The following CDK12 variants were observed in gnomAD, a reference collection of about 807,000 sequenced individuals.
The protein encoded by CDK12 is cyclin dependent kinase 12, also known as cyclin-dependent kinase 12.
Under a neutral mutation model 133.8 loss-of-function variants are expected in CDK12, and 17 were observed. The ratio of observed to expected loss-of-function variants is 0.13; its 90% CI spans 0.09 to 0.19. The LOEUF is 0.19. Among genes scored for constraint, CDK12 ranks in the 10% least tolerant of loss-of-function variants. CDK12 has a pLI of 1.00. For synonymous variants in CDK12, 694 were observed against 683.6 expected, an observed-to-expected ratio of 1.02 and a Z score of -0.24; for missense variants, 1,508 against 1,818.7, an observed-to-expected ratio of 0.83 and a Z score of 3.11.
chr17:39,515,484 A>T (rs768393655), intron 8 of CDK12, among the ~76,000 whole-genome samples: 11 of 152,068 alleles, frequency 7.2e-5, no homozygotes, highest in African/African-American at 1.4e-4. Flanking sequence ...AAGACTCTTG[A>T]CTCCCTTTCT....
rs2054917338 is a variant in CDK12 at position 39,532,369 on chromosome 17, AT to A, written c.*1055del. ...ATTTGTAAGTGTGGACAGCTTGGAC[AT>A]TGCTGCTGAGCTGTGGTTAGAGATG... On this transcript the variant is annotated 3_prime_UTR_variant, in exon 14 of 14. Coordinates refer to ENST00000447079, the MANE Select transcript of CDK12 (RefSeq NM_016507.4). The A allele has an allele frequency of 4.3e-6, 1 of 233,090 alleles. No individual in the cohort carries two copies. 14.4% of individuals were successfully genotyped at this position (233,090 alleles called of 1,614,324 possible).
In CDK12 at chr17:39,509,739, C is replaced by A. The variant is rs1362122380; in HGVS notation, c.2644C>A (p.Arg882=). ...QIKLADFGLA[R]LYNSEESRPY... ...CAAACTAGCAGATTTTGGACTTGCTCGGCTCTATAACTCTGAAGAGAGGTA... is the reference window on the plus strand; with the variant it reads ...CAAACTAGCAGATTTTGGACTTGCTAGGCTCTATAACTCTGAAGAGAGGTA... Residue 882 remains arginine, a synonymous_variant, in exon 7 of 14, where the codon CGG becomes AGG. Transcript: ENST00000447079. 6.2e-7 allele frequency: 1 copy of A among 1,611,784 alleles called. No individual in the cohort carries two copies. Among genetic ancestry groups the A allele is most frequent in the African/African-American group, 1.3e-5 (1 of 74,826 alleles).
intron 13 of CDK12, 30 bp from the exon 14 acceptor site, chr17:39,530,574 T>G: frequency 6.5e-7 from 1 of 1,531,370 alleles, no homozygotes; most frequent in Non-Finnish European, 8.8e-7. Flanking sequence ...CTTTTTAAGA[T>G]GGTGTTTAAA....
In CDK12 at chr17:39,531,477, G is replaced by A. The variant is rs781098798; in HGVS notation, c.*161G>A. 5.0e-6 allele frequency: 3 copies of A among 602,942 alleles called. No homozygotes were observed. Among genetic ancestry groups the A allele is most frequent in the African/African-American group, 1.9e-5 (1 of 52,062 alleles). 37.3% of individuals were successfully genotyped at this position (602,942 alleles called of 1,614,324 possible). Reference sequence around the variant, plus strand: ...CCTTGCTCACTTGCTACTAGCAGGCGACTTACGAAATAATGATGTTGGCAC... The same window carrying A: ...CCTTGCTCACTTGCTACTAGCAGGCAACTTACGAAATAATGATGTTGGCAC... On this transcript the variant is annotated 3_prime_UTR_variant, in exon 14 of 14. Coordinates refer to ENST00000447079, the MANE Select transcript of CDK12 (RefSeq NM_016507.4).
intron 1 of CDK12, among the ~76,000 whole-genome samples, chr17:39,468,422 T>A (rs1001616729): frequency 2.0e-5 from 3 of 152,192 alleles, no homozygotes; most frequent in African/African-American, 7.2e-5. Context: ...CAATTTGTTT[T>A]AGACTACTGG....
chr17:39,505,284 T>C (rs558430436), intron 6 of CDK12, among the ~76,000 whole-genome samples: 2 of 149,462 alleles, frequency 1.3e-5, no homozygotes, highest in South Asian at 4.2e-4. Context: ...CCCAGCACTT[T>C]GGGAGGCCAA....
At chr17:39,520,152 A>C in intron 11 of CDK12, 65 bp downstream of exon 11, 12 of 1,568,760 alleles carry the variant, frequency 7.6e-6, no homozygotes, top group Non-Finnish European at 9.6e-6. Context: ...TGAGAAACTC[A>C]TAAAAGAACC....
chr17:39,556,226 A>C (rs1007999846), intron 2 of CDK12: 6 of 150,924 alleles, frequency 4.0e-5, no homozygotes, highest in African/African-American at 1.5e-4. Flanking sequence ...TCTCTCTCTC[A>C]CTCTCTTCCT....
At chr17:39,552,917 C>T (rs1324996246) in intron 2 of CDK12, among the ~76,000 whole-genome samples, 4 of 152,020 alleles carry the variant, frequency 2.6e-5, no homozygotes, top group African/African-American at 7.2e-5. Flanking sequence ...TTAGTAGAGA[C>T]GTGGTTTCAC....
chr17:39,516,261 T>C (rs2053797135), intron 9 of CDK12, among the ~76,000 whole-genome samples: 1 of 152,170 alleles, frequency 6.6e-6, no homozygotes, highest in Admixed American at 6.6e-5. Flanking sequence ...ATAGAAAATA[T>C]GGGGAAAGCC....
rs1453597307 is a variant in CDK12, at chr17:39,494,528, A to G, written c.2253A>G (p.Glu751=). ...AGTTTACATTTGTTTTGGCAGGAGA[A>G]CTAGTGGCTCTGAAGAAGGTGAGAC... ...VYKAKDKDTG[E]LVALKKVRLD... is the part of the protein sequence containing the mutation. The change falls in exon 5 of 14, where the codon GAA becomes GAG. Residue 751 remains glutamate, a synonymous_variant. Transcript: ENST00000447079. 1.2e-6 allele frequency: 2 copies of G among 1,613,730 alleles called. No homozygotes were observed. The highest frequency in any genetic ancestry group is 2.2e-5 in the South Asian group (2 of 91,038).
downstream of CDK12, chr17:39,567,265 G>C (rs1436533820): frequency 6.6e-6 from 1 of 152,180 alleles, no homozygotes; most frequent in African/African-American, 2.4e-5. Context: ...GTCTTTCTCT[G>C]TGTCCTTTGC....
chr17:39,485,408 CTTTTTTTTTTTT>C lies in CDK12; in HGVS notation c.1932-5138_1932-5127del, dbSNP rs35318849. On this transcript the variant is annotated intron_variant, in intron 2 of 13. Coordinates refer to ENST00000447079, the MANE Select transcript of CDK12 (RefSeq NM_016507.4). ...AGACCAGAGCTTAGGCATCCCCCCC[CTTTTTTTTTTTT>C]TTTTTTTTTTGGGAAACAGAGTCTC... Among the ~76,000 whole-genome samples the C allele has an allele frequency of 1.9e-3, 132 of 69,874 alleles. 2 individuals are homozygous for C. The highest frequency in any genetic ancestry group is 6.4e-3 in the Admixed American group (35 of 5,432). 45.8% of individuals were successfully genotyped at this position (69,874 alleles called of 152,430 possible). A position where few individuals can be genotyped will look rare whatever the true frequency, so the allele number is the denominator to read the frequency against.
At chr17:39,514,729 A>C (rs935050853) in intron 8 of CDK12, among the ~76,000 whole-genome samples, 131 of 152,326 alleles carry the variant, frequency 8.6e-4, no homozygotes, top group Middle Eastern at 6.8e-3. Context: ...AATTCATTCA[A>C]TATTTAAACC....
intron 13 of CDK12, among the ~76,000 whole-genome samples, chr17:39,527,798 C>T (rs910524107): frequency 5.9e-5 from 9 of 152,054 alleles, no homozygotes; most frequent in African/African-American, 1.9e-4. Flanking sequence ...CTGCCCGCCT[C>T]AGCCTCCCAT....
At position 39,462,839 on chromosome 17, in the gene CDK12, G is replaced by A; in HGVS notation, c.768G>A (p.Ser256=). 3 of 1,614,120 alleles carry A rather than the reference G, an allele frequency of 1.9e-6. No individual in the cohort carries two copies. The highest frequency in any genetic ancestry group is 2.5e-6 in the Non-Finnish European group (3 of 1,180,028). ...YDLSPSRSHT[S]SNYDSYKKSP... Reference sequence around the variant, plus strand: ...TTAGTCCCTCACGATCTCATACCTCGAGCAATTATGACTCCTACAAGAAAA... The same window carrying A: ...TTAGTCCCTCACGATCTCATACCTCAAGCAATTATGACTCCTACAAGAAAA... The change falls in exon 1 of 14, where the codon TCG becomes TCA. Residue 256 remains serine, a synonymous_variant. Transcript: ENST00000447079.
upstream of CDK12, among the ~76,000 whole-genome samples, chr17:39,543,360 G>C (rs186939384): frequency 3.3e-5 from 5 of 152,292 alleles, no homozygotes; most frequent in African/African-American, 9.6e-5. Flanking sequence ...TCTCAGTCTG[G>C]TGCCAAGATG....
At chr17:39,525,331 A>G (rs953832204) in intron 12 of CDK12, among the ~76,000 whole-genome samples, 1 of 152,220 alleles carries the variant, frequency 6.6e-6, no homozygotes, top group African/African-American at 2.4e-5. Context: ...ATCTGAAACT[A>G]TGTCATATTG....
chr17:39,506,301 T>C (rs148758919), intron 6 of CDK12, among the ~76,000 whole-genome samples: 1 of 149,088 alleles, frequency 6.7e-6, no homozygotes, highest in African/African-American at 2.5e-5. Flanking sequence ...CTGCAACCTC[T>C]GCCTCCCGGT....
Sources: allele counts gnomAD v4.1 joint callset (sites outside exome capture counted in the v4.1 genomes callset), GRCh38; gene constraint gnomAD v4.1.1; transcripts MANE v1.5; gene names NCBI Gene and HGNC (gene_info 2026-07-23, HGNC 2026-07-21).